Variants in SYCP1 observed in about 807,000 individuals in gnomAD.
SYCP1 encodes the protein cancer/testis antigen 8.
Under a neutral mutation model 153.1 loss-of-function variants are expected in SYCP1, and 64 were observed. That is an observed-to-expected ratio of 0.42 (90% CI 0.34 to 0.51). The LOEUF is 0.51. SYCP1 is among the 20% of genes least tolerant of loss of function. SYCP1 has a pLI of 0.06. For missense variants in SYCP1, 997 were observed against 1,049.0 expected (o/e 0.95, Z 0.68); for synonymous variants, 384 against 341.8 (o/e 1.12, Z -1.36).
chr1:114,913,327 C>G (rs1037593392), intron 19 of SYCP1, among the ~76,000 whole-genome samples, 177 bp downstream of exon 19: 10 of 151,776 alleles, frequency 6.6e-5, no homozygotes, highest in Non-Finnish European at 1.3e-4. Context: ...ACAGAGGCTA[C>G]CCTCTGATTA....
chr1:114,890,080 GA>G (rs1666596645), intron 15 of SYCP1, among the ~76,000 whole-genome samples: 1 of 151,812 alleles, frequency 6.6e-6, no homozygotes, highest in African/African-American at 2.4e-5. Flanking sequence ...TGACAAATTT[GA>G]AAAAAGTATT....
At chr1:114,862,812 A>G (rs1344799351) in intron 8 of SYCP1, 4 of 152,096 alleles carry the variant, frequency 2.6e-5, no homozygotes, top group Non-Finnish European at 5.9e-5. Flanking sequence ...CTTTATTGTT[A>G]GTGTAAACTC....
rs772132445 is a variant in SYCP1, at chr1:114,994,732, T to G, written c.2738T>G (p.Leu913Arg). Residue 913 changes from leucine to arginine, a missense_variant, in exon 31 of 32, where the codon CTG becomes CGG. Around this residue, in one of 2 missense-constraint regions of SYCP1, gnomAD observed 712 missense variants for 682.9 expected, o/e 1.04. Transcript: ENST00000369522. ...MVSEEETLKTLYRNNNPPASH... is the reference protein window; with the variant it reads ...MVSEEETLKTRYRNNNPPASH... ...TCAGAAGAAGAGACATTGAAAACAC[T>G]GTATAGGAACAATAATCCACCAGCT... 5 of 1,582,022 alleles carry G rather than the reference T, an allele frequency of 3.2e-6. No homozygotes were observed. The highest frequency in any genetic ancestry group is 1.9e-5 in the Admixed American group (1 of 52,514).
At position 114,858,738 on chromosome 1, in the gene SYCP1, A is replaced by G. The variant is rs189338305; in HGVS notation, c.456+27A>G. 2.2e-4 allele frequency: 340 copies of G among 1,572,080 alleles called. 1 individual carries two copies. In the African/African-American group the frequency reaches 3.9e-3, roughly 18 times the overall value. ...TATGACACAATTTTGCATTGTAAAC[A>G]TAGTATAGTAAATCTAATCATAATA... On this transcript the variant is annotated intron_variant, in intron 6 of 31. Transcript: ENST00000369522.
In SYCP1 at chr1:114,943,785, G is replaced by A. The variant is rs371344978; in HGVS notation, c.1927-554G>A. The stretch of plus-strand genomic sequence containing the variant: ...CCTCTTCCCAATTCCTGTCCCTGCC[G>A]TATAACACCTTGCCAGTATTAATTT... On this transcript the variant is annotated intron_variant, in intron 23 of 31. Transcript: ENST00000369522. Among the ~76,000 whole-genome samples the A allele has an allele frequency of 4.6e-5, 7 of 151,802 alleles. No individual in the cohort carries two copies. In the East Asian group the frequency reaches 7.7e-4, roughly 17 times the overall value.
intron 12 of SYCP1, among the ~76,000 whole-genome samples, chr1:114,878,700 C>T (rs985552607): frequency 6.6e-6 from 1 of 152,114 alleles, no homozygotes; most frequent in Non-Finnish European, 1.5e-5. Context: ...TGTACCACCA[C>T]GCCTGGCTAA....
chr1:114,977,593 A>G lies in SYCP1; in HGVS notation c.2359A>G (p.Thr787Ala). The G allele has an allele frequency of 6.6e-7, 1 of 1,507,128 alleles. No individual in the cohort carries two copies. Among genetic ancestry groups the G allele is most frequent in the Non-Finnish European group, 8.9e-7 (1 of 1,123,072 alleles). The allele number at this position is 1,507,128 out of a possible 1,614,324, so 93.4% of individuals were successfully genotyped here. The change falls in exon 28 of 32, where the codon ACT becomes GCT. Residue 787 changes from threonine (T) to alanine (A), a missense_variant. By Grantham distance (58) the Thr-to-Ala change is moderately conservative. Coordinates refer to ENST00000369522, the MANE Select transcript of SYCP1 (RefSeq NM_003176.4). ...LKREAKENTA[T>A]LKEKKDKKTQ... ...AAGAGAGGCAAAAGAAAACACAGCT[A>G]CTCTTAAAGAAAAAAAAGACAAGGT...
intron 16 of SYCP1, among the ~76,000 whole-genome samples, chr1:114,897,676 G>T (rs566243285): frequency 2.0e-5 from 3 of 152,158 alleles, no homozygotes; most frequent in East Asian, 3.9e-4. Context: ...AAAAAACAAG[G>T]TTTTTTTCCA....
intron 27 of SYCP1, among the ~76,000 whole-genome samples, chr1:114,956,139 C>A (rs1000256642): frequency 1.3e-5 from 2 of 152,174 alleles, no homozygotes; most frequent in African/African-American, 4.8e-5. Flanking sequence ...GGATCACCAA[C>A]CTCTTTCCTT....
intron 16 of SYCP1, among the ~76,000 whole-genome samples, chr1:114,908,510 G>A (rs1667970207): frequency 2.0e-5 from 3 of 151,674 alleles, no homozygotes; most frequent in Admixed American, 6.6e-5. Flanking sequence ...TTTTTATATT[G>A]TTCCACGGGT....
intron 27 of SYCP1, among the ~76,000 whole-genome samples, chr1:114,948,211 A>T (rs1314390648): frequency 6.6e-6 from 1 of 152,108 alleles, no homozygotes; most frequent in African/African-American, 2.4e-5. Context: ...GAATTGATTC[A>T]CCCTATAAAT....
chr1:114,936,751 C>T (rs1431861249), intron 23 of SYCP1, among the ~76,000 whole-genome samples: 1 of 151,956 alleles, frequency 6.6e-6, no homozygotes, highest in Non-Finnish European at 1.5e-5. Flanking sequence ...CATTCCTATA[C>T]ACCAATAACG....
chr1:114,957,072 T>C (rs1349610194), intron 27 of SYCP1, among the ~76,000 whole-genome samples: 1 of 147,532 alleles, frequency 6.8e-6, no homozygotes, highest in Non-Finnish European at 1.5e-5. Flanking sequence ...TGTTGTTTGT[T>C]TGTTTTTGTA....
intron 27 of SYCP1, among the ~76,000 whole-genome samples, chr1:114,947,986 A>G (rs1040224592): frequency 6.6e-6 from 1 of 151,776 alleles, no homozygotes; most frequent in African/African-American, 2.4e-5. Flanking sequence ...TATACATGTG[A>G]CATGTTGGTG....
At chr1:114,986,057 G>A (rs913106163) in intron 30 of SYCP1, among the ~76,000 whole-genome samples, 2 of 151,856 alleles carry the variant, frequency 1.3e-5, no homozygotes, top group Non-Finnish European at 2.9e-5. Context: ...GAAGTACATA[G>A]GTTACATGCA....
At chr1:114,872,284 T>C (rs1204521718) in intron 8 of SYCP1, among the ~76,000 whole-genome samples, 2 of 152,230 alleles carry the variant, frequency 1.3e-5, no homozygotes, top group Non-Finnish European at 2.9e-5. Context: ...AAAGTATTTA[T>C]TTCTTCACTT....
intron 27 of SYCP1, among the ~76,000 whole-genome samples, chr1:114,966,980 C>T (rs546218846): frequency 4.6e-5 from 7 of 152,152 alleles, no homozygotes; most frequent in East Asian, 1.9e-4. Context: ...CCACTGCACT[C>T]GGCCTTGAGT....
chr1:114,857,171 A>AG, intron 3 of SYCP1, 61 bp from the exon 4 acceptor site: 1 of 1,290,466 alleles, frequency 7.7e-7, no homozygotes, highest in Non-Finnish European at 1.1e-6. Context: ...AAAAAAGAAA[A>AG]AAAAAAAGAA....
intron 9 of SYCP1, 81 bp from the exon 10 acceptor site, chr1:114,875,988 A>C: frequency 1.2e-6 from 1 of 854,868 alleles, no homozygotes. Flanking sequence ...ATCACATGAT[A>C]CAAATTTGGT....
Sources: gnomAD v4.1 joint callset for allele counts (sites outside exome capture counted in the v4.1 genomes callset) on GRCh38, gnomAD v4.1.1 for gene constraint, gnomAD v4.1.1 regional missense constraint, MANE v1.5 for transcripts, NCBI Gene and HGNC (gene_info 2026-07-23, HGNC 2026-07-21) for gene names.